The following ELAVL4 variants were observed in gnomAD, a reference collection of about 807,000 sequenced individuals.
ELAVL4 encodes the protein ELAV like RNA binding protein 4, also known as ELAV-like protein 4.
ELAVL4 carries 1 observed loss-of-function variant against 35.6 expected under a neutral mutation model. That is an observed-to-expected ratio of 0.03 (90% confidence interval 0.01 to 0.13). The LOEUF (loss-of-function observed/expected upper bound fraction) is 0.13, where lower values mean the gene tolerates loss of function less well. ELAVL4 is among the 10% of genes least tolerant of loss of function. ELAVL4 has a pLI of 1.00. For synonymous variants in ELAVL4, 156 were observed against 171.0 expected (o/e 0.91, Z 0.69); for missense variants, 267 against 464.9 (o/e 0.57, Z 3.91).
intron 1 of ELAVL4, among the ~76,000 whole-genome samples, chr1:50,062,129 C>T (rs916002671): frequency 2.6e-5 from 4 of 152,228 alleles, no homozygotes; most frequent in African/African-American, 9.6e-5. Context: ...GTTAAGTATC[C>T]TTTGTATCCC....
chr1:50,201,284 G>T lies in ELAVL4; in HGVS notation c.*106G>T. 7.4e-7 allele frequency: 1 copy of T among 1,346,900 alleles called. No individual in the cohort carries two copies. Among genetic ancestry groups the T allele is most frequent in the Non-Finnish European group, 9.8e-7 (1 of 1,024,512 alleles). The allele number at this position is 1,346,900 out of a possible 1,614,324, so 83.4% of individuals were successfully genotyped here. On this transcript the variant is annotated 3_prime_UTR_variant, in exon 7 of 7. Coordinates refer to ENST00000371824, the MANE Select transcript of ELAVL4 (RefSeq NM_001144774.3). The surrounding 1 kb of genome is among the most constrained non-coding windows in gnomAD (Gnocchi z 4.3). ...AAGAGAGAGAAACAAACTTTTCAAG[G>T]CTTATATTCAACCATGGACTTTATA...
intron 1 of ELAVL4, among the ~76,000 whole-genome samples, chr1:50,138,137 G>A (rs994115011): frequency 6.6e-6 from 1 of 152,202 alleles, no homozygotes. Context: ...CCACCTTGGT[G>A]TGAGGTAGGT....
At chr1:50,197,310 C>A in intron 5 of ELAVL4, 119 bp from the exon 6 acceptor site, 3 of 962,634 alleles carry the variant, frequency 3.1e-6, no homozygotes, top group Non-Finnish European at 4.5e-6. Flanking sequence ...GACTCCTAAG[C>A]AGTGGGGAAA....
rs775158233 is a variant in ELAVL4, at chr1:50,145,037, C to T, written c.90C>T (p.Asn30=). 1 of 1,613,978 alleles carries T rather than the reference C, an allele frequency of 6.2e-7. No homozygotes were observed. Among genetic ancestry groups the T allele is most frequent in the East Asian group, 2.2e-5 (1 of 44,824 alleles). Reference sequence around the variant, plus strand: ...ATGGACCCTCCAGCAACAACAGAAACTGTCCTTCTCCCATGCAAACAGGGG... The same window carrying T: ...ATGGACCCTCCAGCAACAACAGAAATTGTCCTTCTCCCATGCAAACAGGGG... ...TSNGPSSNNR[N]CPSPMQTGAT... is the part of the protein sequence containing the mutation. Residue 30 remains asparagine (N), a synonymous_variant, in exon 2 of 7, where the codon AAC becomes AAT. Coordinates refer to ENST00000371824, the MANE Select transcript of ELAVL4 (RefSeq NM_001144774.3).
chr1:50,194,105 TAGG>T (rs1683079470), intron 4 of ELAVL4, among the ~76,000 whole-genome samples, 187 bp downstream of exon 4: 1 of 152,126 alleles, frequency 6.6e-6, no homozygotes, highest in African/African-American at 2.4e-5. Context: ...TCTTGGGAGG[TAGG>T]AGTTCTCCAT....
intron 1 of ELAVL4, among the ~76,000 whole-genome samples, chr1:50,127,104 G>T (rs1163015137): frequency 6.6e-6 from 1 of 152,038 alleles, no homozygotes; most frequent in Non-Finnish European, 1.5e-5. Context: ...ATCTCAGCAT[G>T]CTGAGAAAGA....
chr1:50,167,851 G>T (rs1455153571), intron 2 of ELAVL4, among the ~76,000 whole-genome samples: 1 of 152,128 alleles, frequency 6.6e-6, no homozygotes, highest in African/African-American at 2.4e-5. Flanking sequence ...ACTCAGAGAG[G>T]TCCATCCACA....
At chr1:50,120,876 T>A (rs1002329570) in intron 1 of ELAVL4, among the ~76,000 whole-genome samples, 1 of 152,038 alleles carries the variant, frequency 6.6e-6, no homozygotes, top group East Asian at 1.9e-4. Flanking sequence ...GGATAATGTG[T>A]GGCCAGAGAG....
chr1:50,104,960 G>C (rs1005895491), upstream of ELAVL4, among the ~76,000 whole-genome samples: 2 of 152,260 alleles, frequency 1.3e-5, no homozygotes, highest in East Asian at 3.9e-4. Flanking sequence ...GTTCCACTTC[G>C]AGGCAGATCT....
intron 3 of ELAVL4, among the ~76,000 whole-genome samples, chr1:50,178,513 A>G (rs1283676732): frequency 6.6e-6 from 1 of 152,198 alleles, no homozygotes; most frequent in Non-Finnish European, 1.5e-5. Context: ...TTATTTCTAA[A>G]GATGATTGCT....
At chr1:50,173,149 G>T (rs1679340824) in intron 2 of ELAVL4, among the ~76,000 whole-genome samples, 1 of 152,158 alleles carries the variant, frequency 6.6e-6, no homozygotes, top group Admixed American at 6.5e-5. Context: ...TATGTGCAAG[G>T]ATAGAAACTT....
Position 50,083,359 on chromosome 1 carries a change from C to A in ELAVL4, c.18+35177C>A, listed in dbSNP as rs984293158. Reference sequence around the variant, plus strand: ...CATTTCTTGAACACCTGCCAGATACCAGGCATTCTATAAGACTTTTTAGGT... The same window carrying A: ...CATTTCTTGAACACCTGCCAGATACAAGGCATTCTATAAGACTTTTTAGGT... On this transcript the variant is annotated intron_variant, in intron 1 of 6. Coordinates refer to the ELAVL4 transcript ENST00000448907. Among the ~76,000 whole-genome samples the A allele has an allele frequency of 2.0e-5, 3 of 152,236 alleles. No homozygotes were observed. The East Asian group carries it at 5.8e-4, about 29-fold the overall frequency.
intron 1 of ELAVL4, among the ~76,000 whole-genome samples, chr1:50,077,068 T>C (rs1289799361): frequency 6.6e-6 from 1 of 152,090 alleles, no homozygotes; most frequent in African/African-American, 2.4e-5. Context: ...GTTAGATACA[T>C]GACCCTATAC....
intron 1 of ELAVL4, chr1:50,110,074 C>A: frequency 2.2e-6 from 3 of 1,378,424 alleles, no homozygotes; most frequent in Non-Finnish European, 3.0e-6. Context: ...CATCGTAAAT[C>A]ACTGTGCTGA....
intron 1 of ELAVL4, among the ~76,000 whole-genome samples, chr1:50,074,824 G>T (rs1464669659): frequency 6.6e-6 from 1 of 152,142 alleles, no homozygotes; most frequent in East Asian, 1.9e-4. Context: ...TATGTGATGG[G>T]TTTATGGAAC....
chr1:50,088,153 A>G (rs1472042232), intron 1 of ELAVL4, among the ~76,000 whole-genome samples: 1 of 152,192 alleles, frequency 6.6e-6, no homozygotes, highest in Non-Finnish European at 1.5e-5. Flanking sequence ...GACTGGAAAC[A>G]TCCTGGCTCA....
At position 50,176,916 on chromosome 1, in the gene ELAVL4, T is replaced by G. The variant is rs145143084; in HGVS notation, c.251-173T>G. Among the ~76,000 whole-genome samples, 18 of 152,294 alleles carry G rather than the reference T, an allele frequency of 1.2e-4. No individual in the cohort carries two copies. The East Asian group carries it at 3.5e-3, about 29-fold the overall frequency. ...GAGAGTTGGAGGAATTGGAAACCTC[T>G]CAATCTGGGGGTAAACCCTGGTGTA... On this transcript the variant is annotated intron_variant, in intron 2 of 6. Coordinates refer to ENST00000371824, the MANE Select transcript of ELAVL4 (RefSeq NM_001144774.3).
At chr1:50,094,797 G>A (rs1665650564) in intron 1 of ELAVL4, among the ~76,000 whole-genome samples, 1 of 148,190 alleles carries the variant, frequency 6.7e-6, no homozygotes, top group African/African-American at 2.5e-5. Context: ...GGGCTTGATG[G>A]CAGGTGCCTG....
upstream of ELAVL4, chr1:50,103,794 C>A (rs1666110225): frequency 2.1e-6 from 2 of 930,580 alleles, no homozygotes; most frequent in East Asian, 5.3e-5. Context: ...ACTCTACCTT[C>A]CCACCCCATT....
Sources: gnomAD v4.1 joint callset for allele counts (sites outside exome capture counted in the v4.1 genomes callset) on GRCh38, gnomAD v4.1.1 for gene constraint, Gnocchi (gnomAD v3.1) non-coding constraint, MANE v1.5 for transcripts, NCBI Gene and HGNC (gene_info 2026-07-23, HGNC 2026-07-21) for gene names.